The following ESRRB variants were observed in gnomAD, a reference collection of about 807,000 sequenced individuals.
ESRRB encodes steroid hormone receptor ERR2.
ESRRB carries 16 observed loss-of-function variants against 46.0 expected under a neutral mutation model. The observed-to-expected ratio is 0.35, with a 90% CI of 0.24 to 0.53. The LOEUF (loss-of-function observed/expected upper bound fraction) is 0.53. Among genes scored for constraint, ESRRB ranks in the 20% least tolerant of loss-of-function variants. ESRRB has a pLI of 0.93. For missense variants in ESRRB, 488 were observed against 607.4 expected (o/e 0.80, Z 2.07); for synonymous variants, 246 against 259.6 (o/e 0.95, Z 0.50).
chr14:76,368,113 C>T (rs984823236), upstream of ESRRB, among the ~76,000 whole-genome samples: 5 of 147,500 alleles, frequency 3.4e-5, no homozygotes, highest in South Asian at 4.4e-4. Flanking sequence ...ACACCATGCC[C>T]GGCTAATTTT....
At chr14:76,495,219 G>T (rs1218212826) in intron 6 of ESRRB, 1 of 152,114 alleles carries the variant, frequency 6.6e-6, no homozygotes, top group Non-Finnish European at 1.5e-5. Context: ...TCGAACTTCT[G>T]TTGGCATCAA....
chr14:76,311,508 C>T (rs907254580), intron 1 of ESRRB, among the ~76,000 whole-genome samples: 1 of 152,306 alleles, frequency 6.6e-6, no homozygotes, highest in East Asian at 1.9e-4. Context: ...CTCTCCCCTC[C>T]GCGGAGCAAG....
chr14:76,312,878 A>T (rs1394776255), intron 1 of ESRRB, among the ~76,000 whole-genome samples: 1 of 152,116 alleles, frequency 6.6e-6, no homozygotes, highest in Non-Finnish European at 1.5e-5. Flanking sequence ...TGTGGCTTTT[A>T]AAAATGCCTT....
intron 1 of ESRRB, among the ~76,000 whole-genome samples, chr14:76,348,373 G>A (rs747444316): frequency 2.6e-5 from 4 of 152,164 alleles, no homozygotes; most frequent in Admixed American, 6.5e-5. Flanking sequence ...GTTTTCCAAC[G>A]TGAATATTGT....
intron 1 of ESRRB, among the ~76,000 whole-genome samples, chr14:76,384,671 GC>G (rs1389526824): frequency 6.6e-6 from 1 of 152,194 alleles, no homozygotes; most frequent in Non-Finnish European, 1.5e-5. Context: ...GCCATGCTCT[GC>G]CTCCCAGTTT....
At chr14:76,311,015 T>TCA in intron 1 of ESRRB, 1 of 407,958 alleles carries the variant, frequency 2.5e-6, no homozygotes, top group Admixed American at 2.6e-5. Context: ...TCTCTCTCTC[T>TCA]CTCTCAATGG....
At position 76,488,191 on chromosome 14, in the gene ESRRB, A is replaced by G. The variant is rs554213424; in HGVS notation, c.851-3256A>G. 2.0e-5 allele frequency among the ~76,000 whole-genome samples: 3 copies of G among 152,334 alleles called. No homozygotes were observed. The South Asian group carries it at 6.2e-4, about 32-fold the overall frequency. Reference sequence around the variant, plus strand: ...AAGATTCAGATGTTAAAAGATGTCAAATATCTCCCCCTCCCTTCCTTGCAC... The same window carrying G: ...AAGATTCAGATGTTAAAAGATGTCAGATATCTCCCCCTCCCTTCCTTGCAC... On this transcript the variant is annotated intron_variant, in intron 5 of 6. Coordinates refer to ENST00000644823, the MANE Select transcript of ESRRB (RefSeq NM_001379180.1).
intron 1 of ESRRB, among the ~76,000 whole-genome samples, chr14:76,336,728 G>A (rs1002583107): frequency 3.9e-5 from 6 of 152,194 alleles, no homozygotes; most frequent in African/African-American, 1.4e-4. Context: ...TGCCTGGGGG[G>A]CGATACCCAC....
chr14:76,493,857 C>A (rs924959765), intron 6 of ESRRB, among the ~76,000 whole-genome samples: 1 of 152,238 alleles, frequency 6.6e-6, no homozygotes, highest in Non-Finnish European at 1.5e-5. Flanking sequence ...CTTTGCAGGG[C>A]CTACCCTCCT....
chr14:76,439,763 C>T lies in ESRRB; in HGVS notation c.460+13C>T. On this transcript the variant is annotated intron_variant, in intron 2 of 6. Transcript: ENST00000644823. ...AGGACTATCCAAGGTGCGTGGTGGGCCTCAAGGAGCCTGGGCGCAGGGTTG... is the reference window on the plus strand; with the variant it reads ...AGGACTATCCAAGGTGCGTGGTGGGTCTCAAGGAGCCTGGGCGCAGGGTTG... 6.2e-7 allele frequency: 1 copy of T among 1,611,178 alleles called. No individual in the cohort carries two copies. Among genetic ancestry groups the T allele is most frequent in the Non-Finnish European group, 8.5e-7 (1 of 1,177,648 alleles).
intron 1 of ESRRB, among the ~76,000 whole-genome samples, chr14:76,434,259 C>G (rs1256884053): frequency 6.6e-6 from 1 of 152,222 alleles, no homozygotes; most frequent in Non-Finnish European, 1.5e-5. Flanking sequence ...CTTTCTTCCC[C>G]CTGCCTGGTG....
upstream of ESRRB, among the ~76,000 whole-genome samples, chr14:76,366,937 C>A (rs1481436761): frequency 2.0e-5 from 3 of 152,096 alleles, no homozygotes; most frequent in African/African-American, 7.2e-5. Flanking sequence ...TCACTGTGTG[C>A]CCCCTTCCTA....
intron 6 of ESRRB, among the ~76,000 whole-genome samples, chr14:76,493,774 T>C (rs896467687): frequency 1.3e-5 from 2 of 152,234 alleles, no homozygotes; most frequent in African/African-American, 4.8e-5. Flanking sequence ...GGGGTGCTGT[T>C]GATGACCCAC....
Position 76,351,986 on chromosome 14 carries a change from T to TAAAAAAAAAAAAAA in ESRRB, c.2+41080_2+41093dup, listed in dbSNP as rs201356393. On this transcript the variant is annotated intron_variant, in intron 1 of 6. Transcript: ENST00000512784. ...GGAGACAGAGTGAGACCCAGTCTCT[T>TAAAAAAAAAAAAAA]AAAAAAAAAAAAAAAAAAAAAAAGC... Among the ~76,000 whole-genome samples, 29 of 91,770 alleles carry TAAAAAAAAAAAAAA rather than the reference T, an allele frequency of 3.2e-4. No individual in the cohort carries two copies. The East Asian group carries it at 6.8e-3, about 22-fold the overall frequency. 60.2% of individuals were successfully genotyped at this position (91,770 alleles called of 152,430 possible).
At chr14:76,396,516 T>A (rs570770375) in intron 1 of ESRRB, among the ~76,000 whole-genome samples, 1 of 152,228 alleles carries the variant, frequency 6.6e-6, no homozygotes, top group African/African-American at 2.4e-5. Context: ...AATGTGTAAG[T>A]TAAGGGAACC....
intron 1 of ESRRB, among the ~76,000 whole-genome samples, chr14:76,354,475 G>A (rs1035095106): frequency 6.6e-6 from 1 of 152,054 alleles, no homozygotes; most frequent in Non-Finnish European, 1.5e-5. Flanking sequence ...GGGAGGACAA[G>A]TGCATTAGTC....
chr14:76,334,344 C>T (rs1316272007), intron 1 of ESRRB, among the ~76,000 whole-genome samples: 1 of 152,094 alleles, frequency 6.6e-6, no homozygotes, highest in Non-Finnish European at 1.5e-5. Context: ...GGGCCGAGAC[C>T]TTGACACCTG....
At chr14:76,445,809 C>A (rs1027421207) in intron 2 of ESRRB, among the ~76,000 whole-genome samples, 1 of 151,962 alleles carries the variant, frequency 6.6e-6, no homozygotes, top group Non-Finnish European at 1.5e-5. Context: ...CACAGCCTCC[C>A]AAGATAGCTG....
intron 1 of ESRRB, among the ~76,000 whole-genome samples, chr14:76,395,869 C>T (rs985528596): frequency 2.0e-5 from 3 of 151,284 alleles, no homozygotes. Flanking sequence ...TTGAGAAATG[C>T]TTTGGCATTA....
Sources: gnomAD v4.1 joint callset for allele counts (sites outside exome capture counted in the v4.1 genomes callset) on GRCh38, gnomAD v4.1.1 for gene constraint, MANE v1.5 for transcripts, NCBI Gene and HGNC (gene_info 2026-07-23, HGNC 2026-07-21) for gene names.